The following RAB6A variants were observed in gnomAD, a reference collection of about 807,000 sequenced individuals.
RAB6A encodes the protein ras-related protein Rab-6A.
RAB6A carries 8 observed loss-of-function variants against 32.3 expected under a neutral mutation model. The observed-to-expected ratio is 0.25, with a 90% CI of 0.15 to 0.45. The LOEUF is 0.45. Ranked by LOEUF, RAB6A falls within the 20% of genes least tolerant of loss-of-function variation. The pLI, the probability that RAB6A is intolerant of heterozygous loss-of-function variation, is 1.00. For synonymous variants in RAB6A, 73 were observed against 82.1 expected (o/e 0.89, Z 0.60); for missense variants, 104 against 249.4 (o/e 0.42, Z 3.93).
At chr11:73,692,720 G>A (rs1180658107) in intron 6 of RAB6A, among the ~76,000 whole-genome samples, 14 of 144,588 alleles carry the variant, frequency 9.7e-5, no homozygotes, top group South Asian at 4.3e-4. Context: ...GGAGGCGGGC[G>A]GATCACAAGT....
chr11:73,720,932 T>C, intron 2 of RAB6A, 33 bp from the exon 3 acceptor site: 1 of 1,500,206 alleles, frequency 6.7e-7, no homozygotes, highest in Non-Finnish European at 9.3e-7. Context: ...TAACAAATAA[T>C]AAGTTTAATG....
chr11:73,721,788 T>C (rs1349425646), intron 2 of RAB6A, among the ~76,000 whole-genome samples: 1 of 152,178 alleles, frequency 6.6e-6, no homozygotes, highest in Non-Finnish European at 1.5e-5. Flanking sequence ...GCCATATTCC[T>C]TAAAACAGAA....
chr11:73,733,795 T>C (rs1369362422), intron 1 of RAB6A, among the ~76,000 whole-genome samples: 2 of 152,056 alleles, frequency 1.3e-5, no homozygotes, highest in Non-Finnish European at 2.9e-5. Flanking sequence ...AGAAAAGTTG[T>C]AAGGGGTTTC....
intron 6 of RAB6A, among the ~76,000 whole-genome samples, chr11:73,689,204 A>G (rs887459954): frequency 2.0e-5 from 3 of 152,124 alleles, no homozygotes; most frequent in Non-Finnish European, 4.4e-5. Flanking sequence ...TTTTGGCACC[A>G]GGGACCGGTT....
At chr11:73,717,144 GAAGA>G (rs933581580) in intron 4 of RAB6A, among the ~76,000 whole-genome samples, 1 of 152,088 alleles carries the variant, frequency 6.6e-6, no homozygotes, top group African/African-American at 2.4e-5. Context: ...AGGTGCAAAG[GAAGA>G]AAGACTGCAT....
At chr11:73,691,533 CT>C (rs1945564327) in intron 6 of RAB6A, among the ~76,000 whole-genome samples, 1 of 152,236 alleles carries the variant, frequency 6.6e-6, no homozygotes, top group African/African-American at 2.4e-5. Context: ...ACTTCTCTAT[CT>C]TTCCCTCTAG....
chr11:73,686,049 G>C (rs1170286525), intron 6 of RAB6A, among the ~76,000 whole-genome samples: 1 of 152,014 alleles, frequency 6.6e-6, no homozygotes. Context: ...ACACCCACAG[G>C]CTCAATTCTG....
At chr11:73,753,921 C>A (rs901594309) in intron 1 of RAB6A, among the ~76,000 whole-genome samples, 2 of 152,162 alleles carry the variant, frequency 1.3e-5, no homozygotes, top group Non-Finnish European at 2.9e-5. Context: ...CACTACCAAA[C>A]CACCTGACAC....
chr11:73,679,931 CA>C (rs985887905), intron 6 of RAB6A, among the ~76,000 whole-genome samples: 17 of 149,538 alleles, frequency 1.1e-4, no homozygotes, highest in African/African-American at 3.9e-4. Flanking sequence ...TCTGTCTCTA[CA>C]AAAAAAAACA....
At chr11:73,685,935 A>G (rs1379273313) in intron 6 of RAB6A, among the ~76,000 whole-genome samples, 1 of 150,822 alleles carries the variant, frequency 6.6e-6, no homozygotes, top group African/African-American at 2.4e-5. Flanking sequence ...CAGAGACAAT[A>G]ACTCTATCAG....
chr11:73,757,083 T>A (rs1429185638), intron 1 of RAB6A, among the ~76,000 whole-genome samples: 1 of 130,238 alleles, frequency 7.7e-6, no homozygotes, highest in Non-Finnish European at 1.6e-5. Context: ...GAGCGTAGTA[T>A]CTTAAATATA....
intron 3 of RAB6A, among the ~76,000 whole-genome samples, chr11:73,719,819 T>C (rs940028196): frequency 6.6e-6 from 1 of 152,060 alleles, no homozygotes; most frequent in Non-Finnish European, 1.5e-5. Context: ...TTTCGCCATG[T>C]TGGCCAGGCT....
intron 1 of RAB6A, among the ~76,000 whole-genome samples, chr11:73,739,167 C>T (rs1243812280): frequency 6.9e-6 from 1 of 145,664 alleles, no homozygotes; most frequent in Non-Finnish European, 1.5e-5. Flanking sequence ...ATCGCTTGAA[C>T]CTGGGAAGTG....
In RAB6A at chr11:73,746,304, T is replaced by A; in HGVS notation, c.70+14262A>T. On this transcript the variant is annotated intron_variant, in intron 1 of 7. Coordinates refer to ENST00000336083, the MANE Select transcript of RAB6A (RefSeq NM_198896.2). ...TCAAGCTGTATATTTATGATTTATA[T>A]GCTTCTATGTATACTACATATCAAT... 2.0e-5 allele frequency among the ~76,000 whole-genome samples: 3 copies of A among 152,348 alleles called. 1 individual carries two copies. The Middle Eastern group carries it at 0.01, about 518-fold the overall frequency.
At chr11:73,728,211 G>A (rs1946250825) in intron 2 of RAB6A, among the ~76,000 whole-genome samples, 1 of 152,166 alleles carries the variant, frequency 6.6e-6, no homozygotes, top group Non-Finnish European at 1.5e-5. Context: ...TGTAGGTTGT[G>A]AGGGCAGACA....
At chr11:73,682,865 A>T (rs979550461) in intron 6 of RAB6A, among the ~76,000 whole-genome samples, 1 of 152,136 alleles carries the variant, frequency 6.6e-6, no homozygotes, top group Non-Finnish European at 1.5e-5. Flanking sequence ...TAATAATATA[A>T]GGTTAGGCAA....
At chr11:73,709,270 A>G (rs1212954758) in intron 5 of RAB6A, among the ~76,000 whole-genome samples, 1 of 151,928 alleles carries the variant, frequency 6.6e-6, no homozygotes, top group Non-Finnish European at 1.5e-5. Flanking sequence ...CCTTTATAGC[A>G]AATTAAATAC....
At chr11:73,737,787 G>A (rs956366918) in intron 1 of RAB6A, among the ~76,000 whole-genome samples, 1 of 151,928 alleles carries the variant, frequency 6.6e-6, no homozygotes, top group Non-Finnish European at 1.5e-5. Context: ...GAGGTCAGGA[G>A]TTCAAGACCA....
At chr11:73,757,229 C>T (rs541046655) in intron 1 of RAB6A, among the ~76,000 whole-genome samples, 15 of 144,598 alleles carry the variant, frequency 1.0e-4, no homozygotes, top group Non-Finnish European at 2.1e-4. Context: ...CTGCACCCTC[C>T]GCCTCTCAGG....
Sources: allele counts gnomAD v4.1 joint callset (sites outside exome capture counted in the v4.1 genomes callset), GRCh38; gene constraint gnomAD v4.1.1; transcripts MANE v1.5; gene names NCBI Gene and HGNC (gene_info 2026-07-23, HGNC 2026-07-21).